PDZD2: variants seen among roughly 807,000 people sequenced by gnomAD.
The protein encoded by PDZD2 is PDZ domain-containing protein 2.
PDZD2 carries 90 observed loss-of-function variants against 220.7 expected under a neutral mutation model. That is an observed-to-expected ratio of 0.41 (90% CI 0.34 to 0.49). The LOEUF is 0.49. PDZD2 is among the 20% of genes least tolerant of loss of function. The probability of loss-of-function intolerance (pLI) is 0.28; values close to 1 mark genes in which losing one functional copy is unlikely to be tolerated. For synonymous variants in PDZD2, 1,375 were observed against 1,450.5 expected, an observed-to-expected ratio of 0.95 and a Z score of 1.18; for missense variants, 3,174 against 3,608.5, an observed-to-expected ratio of 0.88 and a Z score of 3.08.
chr5:31,874,840 G>A (rs1580962138), intron 2 of PDZD2, among the ~76,000 whole-genome samples: 3 of 150,922 alleles, frequency 2.0e-5, no homozygotes, highest in African/African-American at 7.3e-5. Context: ...TAATGGTCAT[G>A]AATATTTTGT....
rs747417781 is a variant in PDZD2 at position 32,089,779 on chromosome 5, G to A, written c.6331G>A (p.Glu2111Lys). The change falls in exon 20 of 25, where the codon GAA (glutamate) becomes AAA (lysine). Residue 2111 changes from glutamate (E) to lysine (K), a missense_variant. Glu to Lys is a moderately conservative substitution (Grantham distance 56). Around this residue, in one of 4 missense-constraint regions of PDZD2, gnomAD observed 1,861 missense variants for 2,001.0 expected, o/e 0.93. Transcript: ENST00000438447. ...SETVCGNKPA[E>K]SDRRGGCLAQ... ...GACTGTATGTGGTAACAAGCCAGCT[G>A]AAAGCGACAGACGGGGAGGGTGCTT... The A allele has an allele frequency of 6.2e-7, 1 of 1,614,246 alleles. No homozygotes were observed. The highest frequency in any genetic ancestry group is 2.2e-5 in the East Asian group (1 of 44,878).
chr5:31,794,469 C>T (rs1159686615), intron 1 of PDZD2, among the ~76,000 whole-genome samples: 3 of 142,470 alleles, frequency 2.1e-5, no homozygotes, highest in African/African-American at 5.2e-5. Context: ...GGCACGATCT[C>T]GGCTCACTGC....
At chr5:31,784,188 G>A (rs1257236364) in intron 1 of PDZD2, among the ~76,000 whole-genome samples, 1 of 152,132 alleles carries the variant, frequency 6.6e-6, no homozygotes. Context: ...ACACCATTCT[G>A]AGCGCATCAA....
At chr5:32,049,638 G>A (rs769268523) in intron 8 of PDZD2, among the ~76,000 whole-genome samples, 3 of 152,182 alleles carry the variant, frequency 2.0e-5, no homozygotes, top group Non-Finnish European at 4.4e-5. Context: ...AAAGGTGCTC[G>A]AATCAGTCAA....
chr5:31,752,635 G>A (rs1032430393), intron 1 of PDZD2, among the ~76,000 whole-genome samples: 1 of 151,828 alleles, frequency 6.6e-6, no homozygotes, highest in Non-Finnish European at 1.5e-5. Flanking sequence ...GGCTGGTCTC[G>A]AACTCCTGAG....
intron 2 of PDZD2, among the ~76,000 whole-genome samples, chr5:31,915,670 G>T (rs1435638526): frequency 3.9e-5 from 6 of 152,190 alleles, no homozygotes; most frequent in African/African-American, 1.4e-4. Context: ...TTGTGTGTAT[G>T]TGTTAATTTT....
At chr5:32,075,487 C>T (rs757397221) in intron 18 of PDZD2, among the ~76,000 whole-genome samples, 10 of 152,160 alleles carry the variant, frequency 6.6e-5, no homozygotes, top group African/African-American at 4.8e-5. Context: ...ATTATAGCCA[C>T]TCATAACCTT....
chr5:31,931,389 A>G (rs990207907), intron 2 of PDZD2, among the ~76,000 whole-genome samples: 1 of 152,248 alleles, frequency 6.6e-6, no homozygotes, highest in East Asian at 1.9e-4. Flanking sequence ...AACTCCTGAC[A>G]TCAAGTGATC....
At chr5:31,965,770 A>G (rs898343905) in intron 2 of PDZD2, among the ~76,000 whole-genome samples, 1 of 152,076 alleles carries the variant, frequency 6.6e-6, no homozygotes. Flanking sequence ...GGTGGCACAC[A>G]CACCTATAAT....
Position 32,088,017 on chromosome 5 carries a change from C to T in PDZD2, c.4569C>T (p.Tyr1523=), listed in dbSNP as rs1490442039. ...FTVNKNFLSN[Y]SRNFSSFHED... is the part of the protein sequence containing the mutation. Reference sequence around the variant, plus strand: ...TGAACAAAAACTTTCTGAGCAACTACTCTAGAAATTTTAGCAGTTTTCATG... The same window carrying T: ...TGAACAAAAACTTTCTGAGCAACTATTCTAGAAATTTTAGCAGTTTTCATG... Residue 1523 remains tyrosine (Y), a synonymous_variant, in exon 20 of 25, where the codon TAC becomes TAT. Coordinates refer to ENST00000438447, the MANE Select transcript of PDZD2 (RefSeq NM_178140.4). This position sits in a 1 kb window ranked among gnomAD's most constrained non-coding sequence, Gnocchi z 4.6. 1 of 1,614,204 alleles carries T rather than the reference C, an allele frequency of 6.2e-7. No homozygotes were observed. Among genetic ancestry groups the T allele is most frequent in the South Asian group, 1.1e-5 (1 of 91,088 alleles).
intron 2 of PDZD2, among the ~76,000 whole-genome samples, chr5:31,808,515 A>G (rs923866654): frequency 6.6e-6 from 1 of 152,082 alleles, no homozygotes; most frequent in African/African-American, 2.4e-5. Context: ...TGGTTTCTGG[A>G]AGGTATCCCA....
intron 3 of PDZD2, among the ~76,000 whole-genome samples, chr5:31,986,305 C>T (rs1160152036): frequency 6.6e-6 from 1 of 152,068 alleles, no homozygotes; most frequent in East Asian, 1.9e-4. Context: ...TTCTTTGTAA[C>T]TGTTTATAAT....
intron 2 of PDZD2, among the ~76,000 whole-genome samples, chr5:31,807,658 C>T (rs1054872757): frequency 6.6e-6 from 1 of 152,176 alleles, no homozygotes; most frequent in African/African-American, 2.4e-5. Flanking sequence ...AGTGGCGTGG[C>T]ATGGGGACCC....
chr5:32,074,169 C>G lies in PDZD2; in HGVS notation c.3063C>G (p.Pro1021=). 1 of 1,614,184 alleles carries G rather than the reference C, an allele frequency of 6.2e-7. No individual in the cohort carries two copies. Among genetic ancestry groups the G allele is most frequent in the Non-Finnish European group, 8.5e-7 (1 of 1,180,034 alleles). ...ACGTCCACAACCAAGAGGAACGACC[C>G]CGGAAAACACTGGTGAGCAAGGCCA... ...GMDVHNQEER[P]RKTLVSKAIS... The change falls in exon 18 of 25, where the codon CCC becomes CCG. Residue 1021 remains proline (P), a synonymous_variant. Transcript: ENST00000438447.
At chr5:31,832,997 C>T (rs1756712599) in intron 2 of PDZD2, among the ~76,000 whole-genome samples, 1 of 152,096 alleles carries the variant, frequency 6.6e-6, no homozygotes, top group Admixed American at 6.5e-5. Context: ...ATGAGCAGGC[C>T]TGACCAACCC....
Position 31,938,041 on chromosome 5 carries a change from A to T in PDZD2, c.477-45114A>T, listed in dbSNP as rs1391055172. 2.0e-5 allele frequency among the ~76,000 whole-genome samples: 3 copies of T among 152,246 alleles called. No homozygotes were observed. In the East Asian group the frequency reaches 5.8e-4, roughly 29 times the overall value. On this transcript the variant is annotated intron_variant, in intron 2 of 24. Transcript: ENST00000438447. ...GACCCACAAAGCCTATCCGATCTTT[A>T]GAAAAAAACATTTGCTGGTTTGCTG...
chr5:31,854,130 C>A (rs1480455425), intron 2 of PDZD2, among the ~76,000 whole-genome samples: 2 of 152,236 alleles, frequency 1.3e-5, no homozygotes, highest in African/African-American at 2.4e-5. Flanking sequence ...GCCAGCCCCC[C>A]TCCCCTGCTT....
At chr5:31,707,869 C>A (rs1387891258) in intron 1 of PDZD2, among the ~76,000 whole-genome samples, 1 of 152,194 alleles carries the variant, frequency 6.6e-6, no homozygotes, top group African/African-American at 2.4e-5. Context: ...CTCAAGTGAT[C>A]CTTCCGCCTC....
Position 32,090,420 on chromosome 5 carries a change from C to T in PDZD2, c.6972C>T (p.Asn2324=). 6.2e-7 allele frequency: 1 copy of T among 1,614,184 alleles called. No homozygotes were observed. The highest frequency in any genetic ancestry group is 8.5e-7 in the Non-Finnish European group (1 of 1,180,024). ...GACGACACTACTGCTATGAGCAGAA[C>T]TGGCCCCATGAATCTACCTCATTTT... is the stretch of plus-strand genomic sequence containing the variant. ...VTRRHYCYEQ[N]WPHESTSFFS... The change falls in exon 20 of 25, where the codon AAC becomes AAT. Residue 2324 remains asparagine (N), a synonymous_variant. Coordinates refer to ENST00000438447, the MANE Select transcript of PDZD2 (RefSeq NM_178140.4). This position sits in a 1 kb window ranked among gnomAD's most constrained non-coding sequence, Gnocchi z 4.3.
Sources: allele counts gnomAD v4.1 joint callset (sites outside exome capture counted in the v4.1 genomes callset), GRCh38; gene constraint gnomAD v4.1.1; regional missense constraint gnomAD v4.1.1; non-coding constraint Gnocchi (gnomAD v3.1); transcripts MANE v1.5; gene names NCBI Gene and HGNC (gene_info 2026-07-23, HGNC 2026-07-21).